LRRC7: variants seen among roughly 807,000 people sequenced by gnomAD.
LRRC7 encodes the protein leucine rich repeat containing 7, also known as leucine-rich repeat-containing protein 7.
A neutral mutation model predicts 175.7 loss-of-function variants in LRRC7; 23 were observed. The observed-to-expected ratio is 0.13, with a 90% CI of 0.09 to 0.19. The LOEUF (loss-of-function observed/expected upper bound fraction) is 0.19. Among genes scored for constraint, LRRC7 ranks in the 10% least tolerant of loss-of-function variants. The pLI is 1.00. For missense variants in LRRC7, 1,354 were observed against 1,904.7 expected, an observed-to-expected ratio of 0.71 and a Z score of 5.38; for synonymous variants, 685 against 680.9, an observed-to-expected ratio of 1.01 and a Z score of -0.09.
At chr1:69,962,126 T>C (rs1651158839) in intron 8 of LRRC7, among the ~76,000 whole-genome samples, 1 of 151,524 alleles carries the variant, frequency 6.6e-6, no homozygotes, top group South Asian at 2.1e-4. Flanking sequence ...CTATAAGGAA[T>C]TAAAATTTAC....
At chr1:69,934,414 G>T (rs1647733804) in intron 8 of LRRC7, among the ~76,000 whole-genome samples, 1 of 139,220 alleles carries the variant, frequency 7.2e-6, no homozygotes, top group African/African-American at 2.7e-5. Flanking sequence ...TCTAAACAAA[G>T]GGAATTATTT....
chr1:69,656,852 A>T (rs1570206674), intron 1 of LRRC7, among the ~76,000 whole-genome samples: 1 of 152,030 alleles, frequency 6.6e-6, no homozygotes, highest in South Asian at 2.1e-4. Context: ...TGGGTATAAC[A>T]ATAACAATAG....
At chr1:69,619,098 A>C (rs1254121498) in intron 1 of LRRC7, among the ~76,000 whole-genome samples, 1 of 151,306 alleles carries the variant, frequency 6.6e-6, no homozygotes, top group Non-Finnish European at 1.5e-5. Flanking sequence ...AAGGGTCAGC[A>C]TGTGTGAGGG....
At chr1:69,791,978 G>C in intron 3 of LRRC7, 65 bp from the exon 4 acceptor site, 2 of 1,062,304 alleles carry the variant, frequency 1.9e-6, no homozygotes, top group Non-Finnish European at 2.8e-6. Context: ...CTTTAATTTT[G>C]TTACTGAGTT....
intron 26 of LRRC7, among the ~76,000 whole-genome samples, chr1:70,119,337 A>G (rs1429694510): frequency 6.6e-6 from 1 of 151,936 alleles, no homozygotes; most frequent in Admixed American, 6.6e-5. Context: ...AATTCAGCAT[A>G]TATGTACTGA....
rs1664656433 is a variant in LRRC7 at position 69,710,703 on chromosome 1, G to T, written c.100+32225G>T. Among the ~76,000 whole-genome samples, 3 of 152,144 alleles carry T rather than the reference G, an allele frequency of 2.0e-5. No homozygotes were observed. In the South Asian group the frequency reaches 6.2e-4, roughly 31 times the overall value. On this transcript the variant is annotated intron_variant, in intron 2 of 26. Coordinates refer to ENST00000651989, the MANE Select transcript of LRRC7 (RefSeq NM_001370785.2). ...ATCAGAAGCCCTTTATGAACCCCTA[G>T]ATTGTACTGAGTGGCCCTCTTCCGG...
At chr1:69,795,046 T>G (rs1315104633) in intron 4 of LRRC7, among the ~76,000 whole-genome samples, 1 of 152,124 alleles carries the variant, frequency 6.6e-6, no homozygotes, top group Non-Finnish European at 1.5e-5. Context: ...ACACAAACAG[T>G]AAGATTTCAT....
rs1330390974 is a variant in LRRC7 at position 70,127,621 on chromosome 1, C to T, written c.*5734C>T. 1.3e-5 allele frequency among the ~76,000 whole-genome samples: 2 copies of T among 152,310 alleles called. No homozygotes were observed. The highest frequency in any genetic ancestry group is 6.5e-5 in the Admixed American group (1 of 15,296). ...TGAGCTCATGCTCTTTGTAACAACA[C>T]ACTGAGCACTAAGCAATGTAAGAAA... On this transcript the variant is annotated 3_prime_UTR_variant, in exon 27 of 27. Coordinates refer to ENST00000651989, the MANE Select transcript of LRRC7 (RefSeq NM_001370785.2).
rs568843888 is a variant in LRRC7 at position 70,125,589 on chromosome 1, G to A, written c.*3702G>A. On this transcript the variant is annotated 3_prime_UTR_variant, in exon 27 of 27. Coordinates refer to ENST00000651989, the MANE Select transcript of LRRC7 (RefSeq NM_001370785.2). ...GGGCGGATCACGAGGTCAGGAGATC[G>A]AGACCATCCCAGCTAAAACGGTGAA... Among the ~76,000 whole-genome samples the A allele has an allele frequency of 0.014, 2,092 of 151,978 alleles. 54 individuals are homozygous for A. Among genetic ancestry groups the A allele is most frequent in the African/African-American group, 0.047 (1,941 of 41,456 alleles).
chr1:69,866,325 G>T (rs1387137052), intron 7 of LRRC7, among the ~76,000 whole-genome samples: 2 of 152,162 alleles, frequency 1.3e-5, no homozygotes, highest in African/African-American at 2.4e-5. Flanking sequence ...CAGAGTTGTT[G>T]TGTCAAAGGT....
At chr1:69,742,234 A>T (rs1357544279) in intron 2 of LRRC7, among the ~76,000 whole-genome samples, 1 of 152,050 alleles carries the variant, frequency 6.6e-6, no homozygotes, top group African/African-American at 2.4e-5. Context: ...ATTATTTTAC[A>T]TATGAAAAAC....
At chr1:69,972,423 A>G (rs985194854) in intron 8 of LRRC7, among the ~76,000 whole-genome samples, 11 of 152,224 alleles carry the variant, frequency 7.2e-5, no homozygotes, top group Non-Finnish European at 1.6e-4. Context: ...AATTAGCAAG[A>G]AAACAAACAA....
chr1:69,824,736 G>C (rs971233691), intron 4 of LRRC7, among the ~76,000 whole-genome samples: 1 of 152,094 alleles, frequency 6.6e-6, no homozygotes, highest in Non-Finnish European at 1.5e-5. Flanking sequence ...TCATCAAAAA[G>C]TTCAATTATA....
At chr1:69,634,271 G>C (rs566920357) in intron 1 of LRRC7, among the ~76,000 whole-genome samples, 4 of 152,214 alleles carry the variant, frequency 2.6e-5, no homozygotes, top group African/African-American at 9.6e-5. Context: ...AAAGAGCCAT[G>C]AAGTGTTCCT....
chr1:69,788,762 A>G (rs1378362283), intron 3 of LRRC7, among the ~76,000 whole-genome samples: 2 of 152,190 alleles, frequency 1.3e-5, no homozygotes, highest in African/African-American at 2.4e-5. Flanking sequence ...CAACAATAAA[A>G]TCTGGTACAG....
chr1:69,765,495 C>T (rs1671525899), intron 3 of LRRC7, among the ~76,000 whole-genome samples: 1 of 151,980 alleles, frequency 6.6e-6, no homozygotes, highest in Non-Finnish European at 1.5e-5. Flanking sequence ...CACCCAAGCT[C>T]TTTGTGAATA....
chr1:69,835,003 G>T lies in LRRC7; in HGVS notation c.590+134G>T, dbSNP rs1175007077. The T allele has an allele frequency of 6.6e-6, 4 of 604,318 alleles. No individual in the cohort carries two copies. The Admixed American group carries it at 1.1e-4, about 16-fold the overall frequency. 37.4% of individuals were successfully genotyped at this position (604,318 alleles called of 1,614,324 possible). A position where few individuals can be genotyped will look rare whatever the true frequency, so the allele number is the denominator to read the frequency against. Reference sequence around the variant, plus strand: ...CTCATTATTATTCAATAAATGAAACGCTGTTAATTAATGAAACTTTTGCAA... The same window carrying T: ...CTCATTATTATTCAATAAATGAAACTCTGTTAATTAATGAAACTTTTGCAA... On this transcript the variant is annotated intron_variant, in intron 6 of 26. Transcript: ENST00000651989.
intron 2 of LRRC7, among the ~76,000 whole-genome samples, chr1:69,758,104 T>G (rs1318987549): frequency 6.6e-6 from 1 of 152,014 alleles, no homozygotes; most frequent in African/African-American, 2.4e-5. Flanking sequence ...ATATATAATA[T>G]GTTAGACACT....
At chr1:69,592,614 T>C (rs1349488418) in intron 1 of LRRC7, among the ~76,000 whole-genome samples, 1 of 152,096 alleles carries the variant, frequency 6.6e-6, no homozygotes, top group Non-Finnish European at 1.5e-5. Flanking sequence ...GGCTGAAGCA[T>C]AGCTGAGCAT....
Sources: allele counts gnomAD v4.1 joint callset (sites outside exome capture counted in the v4.1 genomes callset), GRCh38; gene constraint gnomAD v4.1.1; transcripts MANE v1.5; gene names NCBI Gene and HGNC (gene_info 2026-07-23, HGNC 2026-07-21).